Variants in NCKAP1L observed in about 807,000 individuals in gnomAD.
NCKAP1L encodes the protein NCK associated protein 1 like, also known as nck-associated protein 1-like.
Under a neutral mutation model 139.2 loss-of-function variants are expected in NCKAP1L, and 53 were observed. The ratio of observed to expected loss-of-function variants is 0.38; its 90% CI spans 0.31 to 0.48. The LOEUF (loss-of-function observed/expected upper bound fraction) is 0.48. Ranked by LOEUF, NCKAP1L falls within the 20% of genes least tolerant of loss-of-function variation. NCKAP1L has a pLI of 0.98. For missense variants in NCKAP1L, 1,151 were observed against 1,381.9 expected, an observed-to-expected ratio of 0.83 and a Z score of 2.65; for synonymous variants, 468 against 499.7, an observed-to-expected ratio of 0.94 and a Z score of 0.85.
chr12:54,513,023 C>T (rs1956900899), intron 9 of NCKAP1L, among the ~76,000 whole-genome samples: 2 of 152,122 alleles, frequency 1.3e-5, no homozygotes, highest in African/African-American at 4.8e-5. Context: ...ATGTTGTATG[C>T]TTTGCTATGG....
At chr12:54,513,371 G>C (rs536182838) in intron 9 of NCKAP1L, among the ~76,000 whole-genome samples, 2 of 152,166 alleles carry the variant, frequency 1.3e-5, no homozygotes. Context: ...TCTATTTTAT[G>C]GTTCTGGAAC....
At position 54,518,722 on chromosome 12, in the gene NCKAP1L, T is replaced by A. The variant is rs770742726; in HGVS notation, c.1410T>A (p.Asn470Lys). ...SSFVSILSSLNLKQVDNGEKF... is the reference protein window; with the variant it reads ...SSFVSILSSLKLKQVDNGEKF... ...TCGTCAGTATCCTCTCCTCTCTGAATCTCAAACAAGGTAACTGGAGGGAGG... is the reference window on the plus strand; with the variant it reads ...TCGTCAGTATCCTCTCCTCTCTGAAACTCAAACAAGGTAACTGGAGGGAGG... Residue 470 changes from asparagine (N) to lysine (K), a missense_variant, in exon 14 of 31, where the codon AAT (asparagine) becomes AAA (lysine). Physicochemically the swap from Asn to Lys is moderately conservative, Grantham distance 94. Coordinates refer to ENST00000293373, the MANE Select transcript of NCKAP1L (RefSeq NM_005337.5). The A allele has an allele frequency of 5.0e-6, 8 of 1,613,230 alleles. No individual in the cohort carries two copies. Among genetic ancestry groups the A allele is most frequent in the Non-Finnish European group, 6.8e-6 (8 of 1,179,232 alleles).
chr12:54,505,940 G>A (rs1290109529), intron 3 of NCKAP1L, among the ~76,000 whole-genome samples: 1 of 152,226 alleles, frequency 6.6e-6, no homozygotes, highest in Non-Finnish European at 1.5e-5. Context: ...GGGATTACAG[G>A]CGGGAGCCAC....
intron 1 of NCKAP1L, among the ~76,000 whole-genome samples, 161 bp from the exon 2 acceptor site, chr12:54,499,194 G>A (rs60890863): frequency 0.042 from 6,401 of 152,292 alleles, 273 homozygotes; most frequent in African/African-American, 0.11. Context: ...GAAGTGCTGG[G>A]ATTACAGGTG....
chr12:54,542,365 G>C (rs991608497), intron 30 of NCKAP1L, among the ~76,000 whole-genome samples: 4 of 152,152 alleles, frequency 2.6e-5, no homozygotes, highest in African/African-American at 9.7e-5. Flanking sequence ...GTCCTGATGA[G>C]GGGGTCAGGG....
chr12:54,526,733 C>T lies in NCKAP1L; in HGVS notation c.2362C>T (p.Leu788Phe). 1 of 1,613,436 alleles carries T rather than the reference C, an allele frequency of 6.2e-7. No individual in the cohort carries two copies. Among genetic ancestry groups the T allele is most frequent in the South Asian group, 1.1e-5 (1 of 91,042 alleles). The change falls in exon 21 of 31, where the codon CTC (leucine) becomes TTC (phenylalanine). Residue 788 changes from leucine to phenylalanine, a missense_variant. Leu to Phe is a conservative substitution (Grantham distance 22). Coordinates refer to ENST00000293373, the MANE Select transcript of NCKAP1L (RefSeq NM_005337.5). ...DSCGEQTITT[L>F]YTNWYLESLL... Reference sequence around the variant, plus strand: ...CTGTGGGGAACAGACAATCACCACACTCTACACAAACTGGTCAGTGTTGCT... The same window carrying T: ...CTGTGGGGAACAGACAATCACCACATTCTACACAAACTGGTCAGTGTTGCT...
In NCKAP1L at chr12:54,517,618, A is replaced by G; in HGVS notation, c.1181A>G (p.Lys394Arg). ...CACACAGAGAATGTCACCAAGACAA[A>G]GACACCTGAGGACTATGCTGACTCG... Reference protein sequence around the residue: ...VRHTENVTKTKTPEDYADSSI... With the variant: ...VRHTENVTKTRTPEDYADSSI... The change falls in exon 12 of 31, where the codon AAG (lysine) becomes AGG (arginine). Residue 394 changes from lysine to arginine, a missense_variant. Lys to Arg is a conservative substitution (Grantham distance 26). Transcript: ENST00000293373. 1 of 1,613,606 alleles carries G rather than the reference A, an allele frequency of 6.2e-7. No homozygotes were observed.
rs1565674159 is a variant in NCKAP1L, at chr12:54,509,993, C to T, written c.735+8C>T. On this transcript the variant is annotated splice_region_variant and intron_variant, in intron 7 of 30. Transcript: ENST00000293373. ...CCTGCTAATTCAGATACAGTGAGTG[C>T]CCTTTTCCTTTTGTTAGTGGAAGCA... 6.2e-7 allele frequency: 1 copy of T among 1,613,928 alleles called. No individual in the cohort carries two copies. The highest frequency in any genetic ancestry group is 2.2e-5 in the East Asian group (1 of 44,878).
At chr12:54,538,473 G>A (rs1334885095) in intron 29 of NCKAP1L, among the ~76,000 whole-genome samples, 1 of 152,176 alleles carries the variant, frequency 6.6e-6, no homozygotes, top group Non-Finnish European at 1.5e-5. Flanking sequence ...AGAATACCAC[G>A]AGCAAGAGCT....
chr12:54,539,092 TAACTC>T, intron 30 of NCKAP1L, 119 bp downstream of exon 30: 1 of 734,886 alleles, frequency 1.4e-6, no homozygotes, highest in Non-Finnish European at 2.3e-6. Flanking sequence ...ACTAAGGACT[TAACTC>T]TGCATAACCC....
In NCKAP1L at chr12:54,500,434, T is replaced by C. The variant is rs897089377; in HGVS notation, c.214-99T>C. 2.1e-5 allele frequency: 18 copies of C among 862,472 alleles called. No individual in the cohort carries two copies. In the African/African-American group the frequency reaches 3.0e-4, roughly 14 times the overall value. The allele number at this position is 862,472 out of a possible 1,614,324, so 53.4% of individuals were successfully genotyped here. On this transcript the variant is annotated intron_variant, in intron 2 of 30. Coordinates refer to ENST00000293373, the MANE Select transcript of NCKAP1L (RefSeq NM_005337.5). ...CCACTGCGCCCGGCCTCAACCCTCTTTAAGAATGTTTTAGGTATAACCACT... is the reference window on the plus strand; with the variant it reads ...CCACTGCGCCCGGCCTCAACCCTCTCTAAGAATGTTTTAGGTATAACCACT...
intron 30 of NCKAP1L, among the ~76,000 whole-genome samples, chr12:54,541,464 C>A (rs1257098919): frequency 6.6e-6 from 1 of 152,198 alleles, no homozygotes; most frequent in South Asian, 2.1e-4. Context: ...GAGAAGACAG[C>A]TCATCTCTTT....
At chr12:54,508,276 C>A in intron 4 of NCKAP1L, 113 bp from the exon 5 acceptor site, 1 of 1,126,372 alleles carries the variant, frequency 8.9e-7, no homozygotes, top group South Asian at 1.5e-5. Flanking sequence ...GTTCCTACTT[C>A]TAAATAGATT....
chr12:54,510,571 C>T (rs186779013), intron 7 of NCKAP1L: 1,939 of 160,074 alleles, frequency 0.012, 29 homozygotes, highest in East Asian at 0.041. Flanking sequence ...AGGGCAGTGG[C>T]GTGATCTTGG....
intron 3 of NCKAP1L, among the ~76,000 whole-genome samples, chr12:54,501,489 A>G (rs114663957): frequency 1.4e-5 from 2 of 146,436 alleles, no homozygotes; most frequent in Non-Finnish European, 3.0e-5. Flanking sequence ...ATGCTGGATC[A>G]TATGATAATT....
Position 54,509,900 on chromosome 12 carries a change from A to G in NCKAP1L, c.650A>G (p.Gln217Arg). Residue 217 changes from glutamine to arginine, a missense_variant, in exon 7 of 31, where the codon CAG becomes CGG. Physicochemically the swap from Gln to Arg is conservative, Grantham distance 43. Coordinates refer to ENST00000293373, the MANE Select transcript of NCKAP1L (RefSeq NM_005337.5). Reference sequence around the variant, plus strand: ...CATTTCCTCTTTGTCCGAAGAAACCAGGGGGCTGAGCAGTGGCGCAGTGCC... The same window carrying G: ...CATTTCCTCTTTGTCCGAAGAAACCGGGGGGCTGAGCAGTGGCGCAGTGCC... ...SLHFLFVRRN[Q>R]GAEQWRSAQL... is the part of the protein sequence containing the mutation. 2 of 1,614,226 alleles carry G rather than the reference A, an allele frequency of 1.2e-6. No homozygotes were observed. The highest frequency in any genetic ancestry group is 1.7e-6 in the Non-Finnish European group (2 of 1,180,044).
At chr12:54,516,340 A>G (rs1436222954) in intron 10 of NCKAP1L, 45 bp downstream of exon 10, 1 of 1,573,130 alleles carries the variant, frequency 6.4e-7, no homozygotes, top group Non-Finnish European at 8.7e-7. Flanking sequence ...TGGAATAGGA[A>G]TCTCTTCTCA....
Position 54,519,323 on chromosome 12 carries a change from C to T in NCKAP1L, c.1616C>T (p.Ser539Phe). The change falls in exon 16 of 31, where the codon TCT (serine) becomes TTT (phenylalanine). Residue 539 changes from serine (S) to phenylalanine (F), a missense_variant. By Grantham distance (155) the Ser-to-Phe change is radical. Coordinates refer to ENST00000293373, the MANE Select transcript of NCKAP1L (RefSeq NM_005337.5). ...EKLLVETSDL[S>F]TFCFHLRIFE... ...TTGCTGGTGGAAACTTCTGATCTGT[C>T]TACTTTCTGGTATGTCTTGGTTCAG... 7 of 1,568,220 alleles carry T rather than the reference C, an allele frequency of 4.5e-6. No individual in the cohort carries two copies. Among genetic ancestry groups the T allele is most frequent in the Non-Finnish European group, 5.1e-6 (6 of 1,167,338 alleles).
chr12:54,502,319 C>T (rs11170951), intron 3 of NCKAP1L, among the ~76,000 whole-genome samples: 2,526 of 152,174 alleles, frequency 0.017, 35 homozygotes, highest in Non-Finnish European at 0.021. Flanking sequence ...TTTGGATTTT[C>T]GGGTTAGGGA....
Sources: allele counts gnomAD v4.1 joint callset (sites outside exome capture counted in the v4.1 genomes callset), GRCh38; gene constraint gnomAD v4.1.1; transcripts MANE v1.5; gene names NCBI Gene and HGNC (gene_info 2026-07-23, HGNC 2026-07-21).